Variants in ZMIZ1 observed in about 807,000 individuals in gnomAD.
ZMIZ1 encodes zinc finger MIZ domain-containing protein 1.
Under a neutral mutation model 113.9 loss-of-function variants are expected in ZMIZ1, and 17 were observed. The observed-to-expected ratio is 0.15, with a 90% CI of 0.10 to 0.22. The LOEUF is 0.22. ZMIZ1 is among the 10% of genes least tolerant of loss of function. The pLI is 1.00. For missense variants in ZMIZ1, 1,059 were observed against 1,477.8 expected, an observed-to-expected ratio of 0.72 and a Z score of 4.65; for synonymous variants, 607 against 603.1, an observed-to-expected ratio of 1.01 and a Z score of -0.09.
At chr10:79,149,606 G>C (rs535571611) in intron 3 of ZMIZ1, among the ~76,000 whole-genome samples, 1 of 152,198 alleles carries the variant, frequency 6.6e-6, no homozygotes, top group Non-Finnish European at 1.5e-5. Flanking sequence ...AAGTCAGGGT[G>C]GGGTGAAGGG....
At chr10:79,229,692 C>T (rs1322114594) in intron 7 of ZMIZ1, among the ~76,000 whole-genome samples, 2 of 152,156 alleles carry the variant, frequency 1.3e-5, no homozygotes, top group Non-Finnish European at 2.9e-5. Context: ...CTCTGTGATC[C>T]GTACTTAGGG....
chr10:79,244,559 C>G (rs1850079038), intron 7 of ZMIZ1, among the ~76,000 whole-genome samples: 1 of 152,204 alleles, frequency 6.6e-6, no homozygotes, highest in Non-Finnish European at 1.5e-5. Context: ...TTTCAGGAGA[C>G]TGTCATTCCT....
intron 11 of ZMIZ1, 110 bp from the exon 12 acceptor site, chr10:79,293,271 C>G (rs1254903327): frequency 3.5e-6 from 5 of 1,420,976 alleles, no homozygotes; most frequent in Non-Finnish European, 4.7e-6. Flanking sequence ...GACAGTGCCC[C>G]CTCCCCACTC....
intron 1 of ZMIZ1, among the ~76,000 whole-genome samples, chr10:79,097,403 G>A (rs1412721422): frequency 6.6e-6 from 1 of 152,206 alleles, no homozygotes. Context: ...AGGGGTGCAA[G>A]GGCTGTCACC....
At chr10:79,114,255 GTTTAATGGCTATCAATAA>G (rs1036724612) in intron 1 of ZMIZ1, among the ~76,000 whole-genome samples, 12 of 152,006 alleles carry the variant, frequency 7.9e-5, no homozygotes, top group African/African-American at 2.9e-4. Flanking sequence ...TTTTCCCCCT[GTTTAATGGCTATCAATAA>G]TTTAATACGC....
intron 11 of ZMIZ1, 66 bp downstream of exon 11, chr10:79,292,422 C>T (rs929085574): frequency 2.6e-6 from 4 of 1,564,608 alleles, no homozygotes; most frequent in African/African-American, 2.7e-5. Flanking sequence ...CCTGGGAAAC[C>T]AGAGTTGGGA....
At chr10:79,180,730 C>T (rs1027105369) in intron 4 of ZMIZ1, among the ~76,000 whole-genome samples, 1 of 152,218 alleles carries the variant, frequency 6.6e-6, no homozygotes, top group Admixed American at 6.5e-5. Flanking sequence ...CCACAGGGGC[C>T]TCTGCTCAGG....
At chr10:79,288,867 C>T (rs1247065992) in intron 8 of ZMIZ1, among the ~76,000 whole-genome samples, 2 of 152,186 alleles carry the variant, frequency 1.3e-5, no homozygotes, top group African/African-American at 2.4e-5. Flanking sequence ...GCTTCTGATA[C>T]GTGAGAGCTC....
At chr10:79,145,318 G>C (rs1845434295) in intron 3 of ZMIZ1, among the ~76,000 whole-genome samples, 1 of 142,616 alleles carries the variant, frequency 7.0e-6, no homozygotes, top group South Asian at 2.2e-4. Context: ...CCACAGTAGA[G>C]CCTTTCCCGA....
intron 1 of ZMIZ1, among the ~76,000 whole-genome samples, chr10:79,084,624 C>G (rs1215642999): frequency 6.6e-6 from 1 of 152,238 alleles, no homozygotes; most frequent in Non-Finnish European, 1.5e-5. Flanking sequence ...GACTGCTTGA[C>G]TGTCTGCTCT....
chr10:79,212,836 TGTAA>T (rs1179590570), intron 6 of ZMIZ1, among the ~76,000 whole-genome samples: 2 of 151,272 alleles, frequency 1.3e-5, no homozygotes, highest in Admixed American at 6.6e-5. Context: ...AACTCTTGGG[TGTAA>T]GCTATCCTGC....
chr10:79,070,458 G>T (rs1346628804), intron 1 of ZMIZ1, among the ~76,000 whole-genome samples: 1 of 151,998 alleles, frequency 6.6e-6, no homozygotes, highest in Non-Finnish European at 1.5e-5. Flanking sequence ...CCTCAGCCCC[G>T]GGTTTAAAAG....
Position 79,290,881 on chromosome 10 carries a change from C to T in ZMIZ1, c.541-78C>T, listed in dbSNP as rs572002243. On this transcript the variant is annotated intron_variant, in intron 9 of 24. Transcript: ENST00000334512. The stretch of plus-strand genomic sequence containing the variant: ...CCTCCACTTTGTTCTTTCTCCCTTT[C>T]CCCTCTTCATTTATCCCTCTTCCTC... 35 of 1,531,376 alleles carry T rather than the reference C, an allele frequency of 2.3e-5. No individual in the cohort carries two copies. In the East Asian group the frequency reaches 6.8e-4, roughly 30 times the overall value. The allele number at this position is 1,531,376 out of a possible 1,614,324, so 94.9% of individuals were successfully genotyped here. A position where few individuals can be genotyped will look rare whatever the true frequency, so the allele number is the denominator to read the frequency against.
At position 79,291,315 on chromosome 10, in the gene ZMIZ1, G is replaced by A. The variant is rs889405341; in HGVS notation, c.758+139G>A. The A allele has an allele frequency of 2.7e-6, 3 of 1,123,154 alleles. No individual in the cohort carries two copies. In the African/African-American group the frequency reaches 4.7e-5, roughly 18 times the overall value. The allele number at this position is 1,123,154 out of a possible 1,614,324, so 69.6% of individuals were successfully genotyped here. On this transcript the variant is annotated intron_variant, in intron 10 of 24. Coordinates refer to ENST00000334512, the MANE Select transcript of ZMIZ1 (RefSeq NM_020338.4). Reference sequence around the variant, plus strand: ...CTCTGTTGTTACATGAGTTGAAGGGGCTCAGTCATCCCTGGCTCCCAGGGC... The same window carrying A: ...CTCTGTTGTTACATGAGTTGAAGGGACTCAGTCATCCCTGGCTCCCAGGGC...
intron 1 of ZMIZ1, among the ~76,000 whole-genome samples, chr10:79,093,055 A>C (rs1030844768): frequency 1.3e-5 from 2 of 151,700 alleles, no homozygotes; most frequent in South Asian, 4.2e-4. Flanking sequence ...AGGTACAGAG[A>C]GTACCCAGCA....
rs1000120982 is a variant in ZMIZ1, at chr10:79,299,301, C to T, written c.1808+110C>T. The T allele has an allele frequency of 1.2e-5, 17 of 1,420,160 alleles. No individual in the cohort carries two copies. In the African/African-American group the frequency reaches 2.3e-4, roughly 19 times the overall value. The allele number at this position is 1,420,160 out of a possible 1,614,324, so 88.0% of individuals were successfully genotyped here. ...GGCAGGGGGTAGCAGCATCTTCTGA[C>T]ACCTTCACGTGTTCAGCATCATTGA... On this transcript the variant is annotated intron_variant, in intron 16 of 24. Coordinates refer to ENST00000334512, the MANE Select transcript of ZMIZ1 (RefSeq NM_020338.4).
rs113136671 is a variant in ZMIZ1 at position 79,302,052 on chromosome 10, A to G, written c.2020-55A>G. On this transcript the variant is annotated intron_variant, in intron 17 of 24. Transcript: ENST00000334512. ...GTCTAGGGCTGCTGAGGCTGCAGGC[A>G]GGGCGGGGTGTGGGGACAGTGCACA... 71 of 1,578,404 alleles carry G rather than the reference A, an allele frequency of 4.5e-5. 3 individuals are homozygous for G. The highest frequency in any genetic ancestry group is 3.9e-4 in the African/African-American group (29 of 74,226).
In ZMIZ1 at chr10:79,250,342, TG is replaced by T. The variant is rs377269899; in HGVS notation, c.281-26834del. ...GTGCCCTGTGGAGGGTGGTGCCATC[TG>T]GGGGCTTATCCCTCCTTCCAGCATG... is the stretch of plus-strand genomic sequence containing the variant. On this transcript the variant is annotated intron_variant, in intron 7 of 24. Coordinates refer to ENST00000334512, the MANE Select transcript of ZMIZ1 (RefSeq NM_020338.4). Among the ~76,000 whole-genome samples, 466 of 152,332 alleles carry T rather than the reference TG, an allele frequency of 3.1e-3. 4 individuals are homozygous for T. In the South Asian group the frequency reaches 0.032, roughly 10 times the overall value.
chr10:79,142,730 G>T (rs1845324641), intron 3 of ZMIZ1, among the ~76,000 whole-genome samples: 1 of 152,240 alleles, frequency 6.6e-6, no homozygotes, highest in Admixed American at 6.5e-5. Flanking sequence ...CCTGACCCTG[G>T]CCAAGCATCT....
Sources: gnomAD v4.1 joint callset for allele counts (sites outside exome capture counted in the v4.1 genomes callset) on GRCh38, gnomAD v4.1.1 for gene constraint, MANE v1.5 for transcripts, NCBI Gene and HGNC (gene_info 2026-07-23, HGNC 2026-07-21) for gene names.